NKAIN3: variants seen among roughly 807,000 people sequenced by gnomAD.
NKAIN3 encodes the protein sodium/potassium transporting ATPase interacting 3.
Under a neutral mutation model 30.2 loss-of-function variants are expected in NKAIN3, and 25 were observed. That is an observed-to-expected ratio of 0.83 (90% CI 0.60 to 1.16). NKAIN3 has a LOEUF of 1.16. Ranked by LOEUF, NKAIN3 falls within the 50% of genes most tolerant of loss-of-function variation. The pLI is 0.00. For missense variants in NKAIN3, 225 were observed against 254.1 expected (o/e 0.89, Z 0.78); for synonymous variants, 91 against 89.6 (o/e 1.02, Z -0.09).
intron 1 of NKAIN3, among the ~76,000 whole-genome samples, chr8:62,531,843 C>T (rs550287096): frequency 7.9e-5 from 12 of 152,318 alleles, no homozygotes; most frequent in Admixed American, 3.3e-4. Flanking sequence ...GGCATGAATG[C>T]CAGCTTTCAG....
intron 1 of NKAIN3, among the ~76,000 whole-genome samples, chr8:62,575,581 C>A (rs1264088839): frequency 6.6e-6 from 1 of 152,006 alleles, no homozygotes; most frequent in Non-Finnish European, 1.5e-5. Context: ...ACCAAAATAC[C>A]AATGACATGC....
At chr8:62,344,429 A>G (rs1016501563) in intron 1 of NKAIN3, among the ~76,000 whole-genome samples, 1 of 152,110 alleles carries the variant, frequency 6.6e-6, no homozygotes, top group African/African-American at 2.4e-5. Context: ...AGCTCTATAT[A>G]CAGGGAGGAG....
chr8:62,666,626 C>T (rs1283435067), intron 3 of NKAIN3, among the ~76,000 whole-genome samples: 3 of 151,914 alleles, frequency 2.0e-5, no homozygotes, highest in African/African-American at 7.3e-5. Flanking sequence ...ATTATTTATC[C>T]CTTACCTTGA....
chr8:62,849,804 A>G (rs1275320407), intron 4 of NKAIN3, among the ~76,000 whole-genome samples: 1 of 151,990 alleles, frequency 6.6e-6, no homozygotes, highest in Non-Finnish European at 1.5e-5. Flanking sequence ...TTATGGCTGC[A>G]TAGTATTCCA....
At chr8:62,308,025 G>A (rs946937171) in intron 1 of NKAIN3, among the ~76,000 whole-genome samples, 8 of 150,338 alleles carry the variant, frequency 5.3e-5, no homozygotes, top group Non-Finnish European at 1.5e-5. Context: ...AGTGAAATGG[G>A]TCAGGAGAAC....
chr8:62,671,598 C>T (rs967130012), intron 3 of NKAIN3, among the ~76,000 whole-genome samples: 2 of 152,002 alleles, frequency 1.3e-5, no homozygotes, highest in Admixed American at 1.3e-4. Context: ...CCTTTGTTTT[C>T]CAAGTAGTAT....
At chr8:62,277,890 A>G (rs771536550) in intron 1 of NKAIN3, among the ~76,000 whole-genome samples, 9 of 152,200 alleles carry the variant, frequency 5.9e-5, no homozygotes, top group Non-Finnish European at 1.2e-4. Context: ...ACAACAGGTA[A>G]TGTGGGACTA....
intron 1 of NKAIN3, among the ~76,000 whole-genome samples, chr8:62,293,361 T>C (rs1389487119): frequency 6.6e-6 from 1 of 152,216 alleles, no homozygotes; most frequent in African/African-American, 2.4e-5. Flanking sequence ...TCTCTGTCTT[T>C]GCTGTTTTAT....
At chr8:62,890,919 T>C (rs560581997) in intron 4 of NKAIN3, among the ~76,000 whole-genome samples, 99 of 152,348 alleles carry the variant, frequency 6.5e-4, no homozygotes, top group African/African-American at 2.1e-3. Context: ...TCCCTTTAAT[T>C]TTCTATCCTT....
chr8:62,863,512 A>T, intron 4 of NKAIN3: 2 of 1,469,870 alleles, frequency 1.4e-6, no homozygotes, highest in South Asian at 2.3e-5. Context: ...GGAGGCCTTG[A>T]TAGTTGAACT....
chr8:62,250,625 G>A (rs995403111), intron 1 of NKAIN3, among the ~76,000 whole-genome samples: 1 of 152,066 alleles, frequency 6.6e-6, no homozygotes, highest in Non-Finnish European at 1.5e-5. Context: ...AATCTATAAT[G>A]CCTAATTTCT....
At chr8:62,475,213 T>C (rs1806480842) in intron 1 of NKAIN3, among the ~76,000 whole-genome samples, 1 of 152,196 alleles carries the variant, frequency 6.6e-6, no homozygotes, top group Non-Finnish European at 1.5e-5. Context: ...TTCATGATGT[T>C]CGTGATGAGA....
rs1810229443 is a variant in NKAIN3, at chr8:62,579,614, A to G, written c.130A>G (p.Ile44Val). ...WAPILGNFLHIIVVILGLFGT... is the reference protein window; with the variant it reads ...WAPILGNFLHVIVVILGLFGT... ...GCCTATTCTTGGAAATTTTCTACAC[A>G]TAATAGTTGTCATATTGGGTTTGTT... The change falls in exon 2 of 7, where the codon ATA becomes GTA. Residue 44 changes from isoleucine (I) to valine (V), a missense_variant. Physicochemically the swap from Ile to Val is conservative, Grantham distance 29. Coordinates refer to ENST00000623646, the MANE Select transcript of NKAIN3 (RefSeq NM_001304533.3). The G allele has an allele frequency of 3.7e-6, 6 of 1,609,664 alleles. No individual in the cohort carries two copies. Among genetic ancestry groups the G allele is most frequent in the Non-Finnish European group, 5.1e-6 (6 of 1,176,688 alleles).
intron 1 of NKAIN3, among the ~76,000 whole-genome samples, chr8:62,410,863 G>A (rs957747682): frequency 3.3e-5 from 5 of 151,390 alleles, no homozygotes; most frequent in Non-Finnish European, 7.4e-5. Context: ...AATTGAGTCA[G>A]AAAAAAAACA....
chr8:62,770,093 G>A (rs566783145), intron 4 of NKAIN3, among the ~76,000 whole-genome samples: 1 of 152,286 alleles, frequency 6.6e-6, no homozygotes, highest in South Asian at 2.1e-4. Context: ...GTGCTAGGAT[G>A]TTATTCCCAT....
At chr8:62,656,152 C>A (rs1812757451) in intron 3 of NKAIN3, among the ~76,000 whole-genome samples, 2 of 152,056 alleles carry the variant, frequency 1.3e-5, no homozygotes, top group South Asian at 4.1e-4. Flanking sequence ...CTTTCAGGAG[C>A]CGATTTTGCT....
chr8:62,882,475 G>C (rs944740545), intron 4 of NKAIN3, among the ~76,000 whole-genome samples: 1 of 151,984 alleles, frequency 6.6e-6, no homozygotes, highest in African/African-American at 2.4e-5. Flanking sequence ...CCATCACCCT[G>C]TCTGGCTAAT....
At chr8:62,485,567 G>T (rs1440980265) in intron 1 of NKAIN3, among the ~76,000 whole-genome samples, 1 of 152,140 alleles carries the variant, frequency 6.6e-6, no homozygotes, top group African/African-American at 2.4e-5. Context: ...TTTATGCCAA[G>T]AAGTTTGGAC....
intron 4 of NKAIN3, among the ~76,000 whole-genome samples, chr8:62,870,669 ATATCTATATATCTATATCTCTC>A (rs1395338868): frequency 4.4e-4 from 56 of 128,062 alleles, no homozygotes; most frequent in South Asian, 9.7e-4. Context: ...ATATATATAG[ATATCTATATATCTATATCTCTC>A]TATCTATATA....
Sources: gnomAD v4.1 joint callset for allele counts (sites outside exome capture counted in the v4.1 genomes callset) on GRCh38, gnomAD v4.1.1 for gene constraint, MANE v1.5 for transcripts, NCBI Gene and HGNC (gene_info 2026-07-23, HGNC 2026-07-21) for gene names.